The following MYBPC2 variants were observed in gnomAD, a reference collection of about 807,000 sequenced individuals.
The protein encoded by MYBPC2 is myosin binding protein C2.
MYBPC2 carries 122 observed loss-of-function variants against 137.0 expected under a neutral mutation model. The observed-to-expected ratio is 0.89, with a 90% CI of 0.77 to 1.03. MYBPC2 has a LOEUF of 1.03. Among genes scored for constraint, MYBPC2 ranks in the 50% least tolerant of loss-of-function variants. The pLI is 0.00. For synonymous variants in MYBPC2, 626 were observed against 612.3 expected, an observed-to-expected ratio of 1.02 and a Z score of -0.33; for missense variants, 1,500 against 1,534.4, an observed-to-expected ratio of 0.98 and a Z score of 0.37.
At chr19:50,440,809 G>A (rs773210048) in intron 7 of MYBPC2, 71 bp from the exon 8 acceptor site, 475 of 1,479,638 alleles carry the variant, frequency 3.2e-4, no homozygotes, top group Non-Finnish European at 4.2e-4. Flanking sequence ...GAGCCAATGA[G>A]TGAAGAAGGC....
intron 11 of MYBPC2, among the ~76,000 whole-genome samples, chr19:50,444,559 C>T (rs1034464270): frequency 6.6e-6 from 1 of 152,112 alleles, no homozygotes; most frequent in Non-Finnish European, 1.5e-5. Flanking sequence ...TACTCTTCTA[C>T]GTATCAGAGA....
chr19:50,442,921 G>A (rs1233465596), intron 9 of MYBPC2, among the ~76,000 whole-genome samples: 2 of 151,572 alleles, frequency 1.3e-5, no homozygotes, highest in Admixed American at 6.6e-5. Flanking sequence ...GGGATGACAG[G>A]AGCGCCCCAA....
chr19:50,432,973 G>A lies in MYBPC2; in HGVS notation c.19+1G>A, dbSNP rs113541843. 3 of 1,600,440 alleles carry A rather than the reference G, an allele frequency of 1.9e-6. No homozygotes were observed. The highest frequency in any genetic ancestry group is 1.1e-5 in the South Asian group (1 of 89,166). ...CCCGACATGCCTGAGGCAAAACCAG[G>A]TGGCGCCAGGACCCCCTCCCTGTGT... is the stretch of plus-strand genomic sequence containing the variant. On this transcript the variant is annotated splice_donor_variant, in intron 1 of 27. Transcript: ENST00000357701. LOFTEE classifies it high-confidence loss of function. This position sits in a 1 kb window ranked among gnomAD's most constrained non-coding sequence, Gnocchi z 5.5.
chr19:50,445,962 C>T lies in MYBPC2; in HGVS notation c.1216C>T (p.Leu406Phe), dbSNP rs745471174. ...CAAGAAGGACGGGAAGCGCCACATC[C>T]TCATCTTCTCAGACGTGGTCCAGGA... Reference protein sequence around the residue: ...RFKKDGKRHILIFSDVVQEDR... With the variant: ...RFKKDGKRHIFIFSDVVQEDR... Residue 406 changes from leucine to phenylalanine, a missense_variant, in exon 12 of 28, where the codon CTC becomes TTC. Physicochemically the swap from Leu to Phe is conservative, Grantham distance 22 (BLOSUM62 0). Coordinates refer to ENST00000357701, the MANE Select transcript of MYBPC2 (RefSeq NM_004533.4). The T allele has an allele frequency of 2.5e-6, 4 of 1,612,848 alleles. No individual in the cohort carries two copies. The African/African-American group carries it at 5.3e-5, about 22-fold the overall frequency.
intron 4 of MYBPC2, 72 bp downstream of exon 4, chr19:50,436,232 C>G (rs2039702645): frequency 3.3e-6 from 5 of 1,510,406 alleles, no homozygotes; most frequent in African/African-American, 1.4e-5. Context: ...CTCAGAAGCC[C>G]TGTTGCCTGA....
Position 50,442,266 on chromosome 19 carries a change from G to C in MYBPC2, c.855G>C (p.Leu285=). 6.2e-7 allele frequency: 1 copy of C among 1,607,302 alleles called. No individual in the cohort carries two copies. Among genetic ancestry groups the C allele is most frequent in the South Asian group, 1.1e-5 (1 of 89,448 alleles). Residue 285 remains leucine (L), a synonymous_variant, in exon 9 of 28, where the codon CTG becomes CTC. Coordinates refer to ENST00000357701, the MANE Select transcript of MYBPC2 (RefSeq NM_004533.4). Reference sequence around the variant, plus strand: ...TGGTAGAGATCAGCGACCCAGACCTGACCCTCAAGTGGTTCAAGAACGGCC... The same window carrying C: ...TGGTAGAGATCAGCGACCCAGACCTCACCCTCAAGTGGTTCAAGAACGGCC... The part of the protein sequence containing the change: ...KLMVEISDPD[L]TLKWFKNGQE...
intron 7 of MYBPC2, 82 bp downstream of exon 7, chr19:50,437,800 T>TCCTCCTGGACCCACTGCTTATC: frequency 6.9e-7 from 1 of 1,458,928 alleles, no homozygotes; most frequent in Non-Finnish European, 9.4e-7. Flanking sequence ...GCCCACTGAT[T>TCCTCCTGGACCCACTGCTTATC]CCTCCTGGAC....
rs1052554796 is a variant in MYBPC2, at chr19:50,448,084, G to A, written c.1307-141G>A. On this transcript the variant is annotated intron_variant, in intron 12 of 27. Transcript: ENST00000357701. ...TCTCCCACTAGCATGGGAGCTTCCC[G>A]AGGCCAACGGGTTGTTTCTGGGTTG... 3.4e-5 allele frequency: 34 copies of A among 998,080 alleles called. No homozygotes were observed. In the Admixed American group the frequency reaches 4.6e-4, roughly 13 times the overall value. The allele number at this position is 998,080 out of a possible 1,614,324, so 61.8% of individuals were successfully genotyped here. A position where few individuals can be genotyped will look rare whatever the true frequency, so the allele number is the denominator to read the frequency against.
rs991001883 is a variant in MYBPC2, at chr19:50,435,605, G to C, written c.110-171G>C. Reference sequence around the variant, plus strand: ...AGCCTGGCCAAGGTCACACAGCCACGAGGGTGACAGGTGGCCTTTCCCAGG... The same window carrying C: ...AGCCTGGCCAAGGTCACACAGCCACCAGGGTGACAGGTGGCCTTTCCCAGG... On this transcript the variant is annotated intron_variant, in intron 2 of 27. Transcript: ENST00000357701. The surrounding 1 kb of genome is among the most constrained non-coding windows in gnomAD (Gnocchi z 4.8). Among the ~76,000 whole-genome samples, 1 of 152,112 alleles carries C rather than the reference G, an allele frequency of 6.6e-6. No homozygotes were observed. Among genetic ancestry groups the C allele is most frequent in the Admixed American group, 6.5e-5 (1 of 15,288 alleles).
At chr19:50,453,907 CTG>C in intron 16 of MYBPC2, 111 bp from the exon 17 acceptor site, 5 of 1,235,960 alleles carry the variant, frequency 4.0e-6, no homozygotes, top group South Asian at 1.5e-5. Context: ...AGTGAGGACT[CTG>C]TGTGTTGATG....
intron 20 of MYBPC2, 35 bp downstream of exon 20, chr19:50,455,679 G>A: frequency 6.2e-7 from 1 of 1,608,654 alleles, no homozygotes; most frequent in Non-Finnish European, 8.5e-7. Flanking sequence ...GGGGGTGGTG[G>A]CTAGCACAGG....
intron 13 of MYBPC2, among the ~76,000 whole-genome samples, chr19:50,449,900 A>G (rs2039840951): frequency 6.6e-6 from 1 of 152,088 alleles, no homozygotes; most frequent in South Asian, 2.1e-4. Context: ...TCACACCTAT[A>G]ATCCTAGCAC....
At chr19:50,460,508 G>A (rs73054455) in intron 24 of MYBPC2, among the ~76,000 whole-genome samples, 12,539 of 152,104 alleles carry the variant, frequency 0.082, 668 homozygotes, top group African/African-American at 0.15. Flanking sequence ...ACCCAATAGC[G>A]CTACCCCCTG....
At position 50,435,516 on chromosome 19, in the gene MYBPC2, C is replaced by T. The variant is rs1601279614; in HGVS notation, c.110-260C>T. On this transcript the variant is annotated intron_variant, in intron 2 of 27. Coordinates refer to ENST00000357701, the MANE Select transcript of MYBPC2 (RefSeq NM_004533.4). This position sits in a 1 kb window ranked among gnomAD's most constrained non-coding sequence, Gnocchi z 4.8. The stretch of plus-strand genomic sequence containing the variant: ...CCGGTCTCTCTAAACCTCTCCCGCC[C>T]CAAAGGCACATTCAGTGCCCTCCAG... Among the ~76,000 whole-genome samples, 1 of 152,250 alleles carries T rather than the reference C, an allele frequency of 6.6e-6. No individual in the cohort carries two copies. The highest frequency in any genetic ancestry group is 2.1e-4 in the South Asian group (1 of 4,836).
At chr19:50,441,796 C>G (rs1039441855) in intron 8 of MYBPC2, among the ~76,000 whole-genome samples, 6 of 151,450 alleles carry the variant, frequency 4.0e-5, no homozygotes, top group African/African-American at 1.5e-4. Context: ...GCTGAGATTA[C>G]GCTGTGGCAC....
intron 16 of MYBPC2, 51 bp downstream of exon 16, chr19:50,452,054 C>T: frequency 6.6e-7 from 1 of 1,514,418 alleles, no homozygotes; most frequent in Non-Finnish European, 9.0e-7. Context: ...TTAGGCAAGT[C>T]TCTTTCCCCC....
chr19:50,436,506 C>A, intron 4 of MYBPC2, 111 bp from the exon 5 acceptor site: 2 of 1,005,966 alleles, frequency 2.0e-6, no homozygotes, highest in East Asian at 2.5e-5. Context: ...ATTGGCCCCC[C>A]TGTGGGGTGG....
chr19:50,455,515 A>G lies in MYBPC2; in HGVS notation c.2209A>G (p.Thr737Ala), dbSNP rs199867781. 1.6e-4 allele frequency: 265 copies of G among 1,612,216 alleles called. No homozygotes were observed. The highest frequency in any genetic ancestry group is 2.1e-4 in the Non-Finnish European group (250 of 1,179,030). The change falls in exon 20 of 28, where the codon ACG (threonine) becomes GCG (alanine). Residue 737 changes from threonine (T) to alanine (A), a missense_variant. Coordinates refer to ENST00000357701, the MANE Select transcript of MYBPC2 (RefSeq NM_004533.4). ...NTKPFMPIAPTSEPLHLIVED... is the reference protein window; with the variant it reads ...NTKPFMPIAPASEPLHLIVED... ...CTTTTTCTGGATGCTTGCAGCACCC[A>G]CGAGTGAACCCCTGCACCTGATAGT...
At chr19:50,441,359 GACCA>G (rs2039753602) in intron 8 of MYBPC2, among the ~76,000 whole-genome samples, 1 of 152,174 alleles carries the variant, frequency 6.6e-6, no homozygotes, top group South Asian at 2.1e-4. Context: ...CCATGGCAAT[GACCA>G]GACCACCCAA....
Sources: gnomAD v4.1 joint callset for allele counts (sites outside exome capture counted in the v4.1 genomes callset) on GRCh38, gnomAD v4.1.1 for gene constraint, Gnocchi (gnomAD v3.1) non-coding constraint, MANE v1.5 for transcripts, NCBI Gene and HGNC (gene_info 2026-07-23, HGNC 2026-07-21) for gene names.